CDK14: variants seen among roughly 807,000 people sequenced by gnomAD.
The protein encoded by CDK14 is cyclin-dependent kinase 14.
Under a neutral mutation model 60.7 loss-of-function variants are expected in CDK14, and 34 were observed. That is an observed-to-expected ratio of 0.56 (90% confidence interval 0.43 to 0.75). The LOEUF is 0.75. CDK14 is among the 30% of genes least tolerant of loss of function. CDK14 has a pLI of 0.00. For synonymous variants in CDK14, 197 were observed against 203.7 expected (o/e 0.97, Z 0.28); for missense variants, 482 against 564.1 (o/e 0.85, Z 1.47).
intron 1 of CDK14, among the ~76,000 whole-genome samples, chr7:90,603,998 T>C (rs191776278): frequency 1.3e-5 from 2 of 152,386 alleles, no homozygotes; most frequent in East Asian, 3.8e-4. Context: ...ATAGTTCTAT[T>C]TGCATATTTA....
At chr7:90,952,734 A>T (rs746032976) in intron 8 of CDK14, among the ~76,000 whole-genome samples, 1 of 152,132 alleles carries the variant, frequency 6.6e-6, no homozygotes, top group Non-Finnish European at 1.5e-5. Context: ...CGTCTTTTTT[A>T]AAAGGTAGTG....
rs1375114450 is a variant in CDK14, at chr7:90,911,626, C to T, written c.703-5975C>T. 2.0e-5 allele frequency among the ~76,000 whole-genome samples: 3 copies of T among 151,116 alleles called. No individual in the cohort carries two copies. In the East Asian group the frequency reaches 5.9e-4, roughly 30 times the overall value. ...TATTAAATAATCTGTGTATTTCTGA[C>T]CATTCATGGAGCAGGACACCTCTAG... is the stretch of plus-strand genomic sequence containing the variant. On this transcript the variant is annotated intron_variant, in intron 7 of 14. Coordinates refer to ENST00000380050, the MANE Select transcript of CDK14 (RefSeq NM_001287135.2).
chr7:90,641,443 G>T (rs974830715), intron 2 of CDK14, among the ~76,000 whole-genome samples: 4 of 152,152 alleles, frequency 2.6e-5, no homozygotes, highest in Admixed American at 2.6e-4. Context: ...TTCATTAATA[G>T]ACAGAAATGA....
At position 91,175,211 on chromosome 7, in the gene CDK14, G is replaced by T. The variant is rs970666903; in HGVS notation, c.*29-31954G>T. Among the ~76,000 whole-genome samples, 369 of 151,850 alleles carry T rather than the reference G, an allele frequency of 2.4e-3. 1 individual carries two copies. Among genetic ancestry groups the T allele is most frequent in the Non-Finnish European group, 3.8e-3 (259 of 67,938 alleles). On this transcript the variant is annotated intron_variant, in intron 14 of 14. Coordinates refer to ENST00000380050, the MANE Select transcript of CDK14 (RefSeq NM_001287135.2). ...AATTTCATATCCAGCCAAACTAAGCGTCATAAGTGAAGGAGAAATAAAATA... is the reference window on the plus strand; with the variant it reads ...AATTTCATATCCAGCCAAACTAAGCTTCATAAGTGAAGGAGAAATAAAATA...
intron 11 of CDK14, among the ~76,000 whole-genome samples, chr7:91,074,036 T>A (rs1272030939): frequency 1.3e-5 from 2 of 152,114 alleles, no homozygotes; most frequent in African/African-American, 4.8e-5. Flanking sequence ...AGTTTTAGAC[T>A]CCCACAAAAT....
intron 11 of CDK14, among the ~76,000 whole-genome samples, chr7:91,063,390 T>TATTC (rs1797867720): frequency 6.6e-6 from 1 of 152,248 alleles, no homozygotes; most frequent in Admixed American, 6.5e-5. Flanking sequence ...GACTACTAAT[T>TATTC]ATTCGCTCCG....
intron 9 of CDK14, among the ~76,000 whole-genome samples, chr7:90,981,534 CTTT>C (rs1176237126): frequency 6.6e-6 from 1 of 152,138 alleles, no homozygotes; most frequent in Non-Finnish European, 1.5e-5. Context: ...TACATTACTT[CTTT>C]AATTCAAAAC....
intron 12 of CDK14, among the ~76,000 whole-genome samples, chr7:91,090,855 T>C (rs531557587): frequency 6.6e-6 from 1 of 152,204 alleles, no homozygotes; most frequent in East Asian, 1.9e-4. Flanking sequence ...GCGCTGGCCA[T>C]TTCACAGTCT....
rs184938773 is a variant in CDK14 at position 90,747,503 on chromosome 7, A to G, written c.370-178A>G. The stretch of plus-strand genomic sequence containing the variant: ...TTCGTTCTACATTGTGTTTATTTGC[A>G]TTTTTTTTTAGTTTTGTATCCTGTT... On this transcript the variant is annotated intron_variant, in intron 3 of 14. Coordinates refer to ENST00000380050, the MANE Select transcript of CDK14 (RefSeq NM_001287135.2). Among the ~76,000 whole-genome samples, 437 of 151,506 alleles carry G rather than the reference A, an allele frequency of 2.9e-3. 3 individuals carry two copies. The highest frequency in any genetic ancestry group is 0.01 in the African/African-American group (414 of 41,362).
At chr7:90,624,996 G>A (rs1167566448) in intron 2 of CDK14, among the ~76,000 whole-genome samples, 1 of 152,112 alleles carries the variant, frequency 6.6e-6, no homozygotes, top group African/African-American at 2.4e-5. Context: ...AGAGTTGATA[G>A]GATCACAACA....
At chr7:90,622,367 G>A (rs1799789404) in intron 2 of CDK14, among the ~76,000 whole-genome samples, 1 of 152,192 alleles carries the variant, frequency 6.6e-6, no homozygotes, top group Non-Finnish European at 1.5e-5. Context: ...CTTAGTAAAT[G>A]TATGCATTAT....
At chr7:91,169,236 C>G (rs1334330813) in intron 14 of CDK14, among the ~76,000 whole-genome samples, 2 of 152,164 alleles carry the variant, frequency 1.3e-5, no homozygotes, top group East Asian at 3.9e-4. Context: ...TATACACACT[C>G]CAGTGTACTC....
At chr7:90,942,811 A>G (rs559602575) in intron 8 of CDK14, among the ~76,000 whole-genome samples, 75 of 152,272 alleles carry the variant, frequency 4.9e-4, no homozygotes, top group Middle Eastern at 6.8e-3. Context: ...TTGCCCCAGA[A>G]CAGTGGGTAG....
At chr7:91,178,597 A>T (rs1406350664) in intron 14 of CDK14, among the ~76,000 whole-genome samples, 1 of 152,132 alleles carries the variant, frequency 6.6e-6, no homozygotes, top group Non-Finnish European at 1.5e-5. Flanking sequence ...TCTACAACAA[A>T]CTCAAACAAA....
At chr7:91,052,808 A>G (rs1336688206) in intron 11 of CDK14, among the ~76,000 whole-genome samples, 1 of 152,230 alleles carries the variant, frequency 6.6e-6, no homozygotes. Context: ...GGAAAAGACT[A>G]TTTGATTCAG....
intron 11 of CDK14, among the ~76,000 whole-genome samples, chr7:91,077,192 C>T (rs979305518): frequency 2.0e-5 from 3 of 152,150 alleles, no homozygotes; most frequent in Admixed American, 2.0e-4. Flanking sequence ...AAGACACATG[C>T]ACATGTATGT....
chr7:90,729,519 A>C (rs1045366059), intron 3 of CDK14, among the ~76,000 whole-genome samples: 1 of 151,370 alleles, frequency 6.6e-6, no homozygotes, highest in Non-Finnish European at 1.5e-5. Flanking sequence ...TGAATTGGTA[A>C]GGGGGAGAGA....
intron 2 of CDK14, among the ~76,000 whole-genome samples, chr7:90,724,438 T>G (rs949843874): frequency 2.6e-5 from 4 of 151,864 alleles, no homozygotes; most frequent in African/African-American, 9.7e-5. Context: ...ATCCACTTTC[T>G]TATTTATTAT....
intron 5 of CDK14, among the ~76,000 whole-genome samples, chr7:90,845,776 AAAAAT>A (rs1790450072): frequency 6.6e-6 from 1 of 152,160 alleles, no homozygotes; most frequent in South Asian, 2.1e-4. Flanking sequence ...GGTTTTCTGA[AAAAAT>A]AAAATGAGAA....
Sources: allele counts gnomAD v4.1 joint callset (sites outside exome capture counted in the v4.1 genomes callset), GRCh38; gene constraint gnomAD v4.1.1; transcripts MANE v1.5; gene names NCBI Gene and HGNC (gene_info 2026-07-23, HGNC 2026-07-21).